Variants in FAM222B observed in about 807,000 individuals in gnomAD.
FAM222B encodes the protein protein FAM222B.
FAM222B carries 12 observed loss-of-function variants against 38.0 expected under a neutral mutation model. That is an observed-to-expected ratio of 0.32 (90% CI 0.20 to 0.51). The LOEUF (loss-of-function observed/expected upper bound fraction) is 0.51, where lower values mean the gene tolerates loss of function less well. FAM222B is among the 20% of genes least tolerant of loss of function. The pLI is 0.97. For synonymous variants in FAM222B, 329 were observed against 317.2 expected (o/e 1.04, Z -0.40); for missense variants, 716 against 754.2 (o/e 0.95, Z 0.59).
intron 1 of FAM222B, among the ~76,000 whole-genome samples, chr17:28,786,156 T>G (rs1305530793): frequency 6.6e-6 from 1 of 151,938 alleles, no homozygotes; most frequent in Non-Finnish European, 1.5e-5. Flanking sequence ...TTTTTTTAAG[T>G]GTGCATGTAA....
chr17:28,768,403 G>T (rs987325612), intron 1 of FAM222B, among the ~76,000 whole-genome samples: 1 of 152,156 alleles, frequency 6.6e-6, no homozygotes, highest in East Asian at 1.9e-4. Flanking sequence ...GATAGCAACT[G>T]CAGAAAGAAC....
At chr17:28,794,797 T>C (rs1308687373) in intron 1 of FAM222B, among the ~76,000 whole-genome samples, 2 of 151,888 alleles carry the variant, frequency 1.3e-5, no homozygotes, top group Non-Finnish European at 2.9e-5. Context: ...AACTTTCTAT[T>C]AAAATAACAT....
intron 1 of FAM222B, among the ~76,000 whole-genome samples, chr17:28,819,979 T>C (rs1484463112): frequency 6.6e-6 from 1 of 152,178 alleles, no homozygotes; most frequent in Non-Finnish European, 1.5e-5. Context: ...TTGTCCTTGA[T>C]ACAAAAAGGT....
intron 1 of FAM222B, among the ~76,000 whole-genome samples, chr17:28,775,918 AAAAC>A (rs1272760554): frequency 2.0e-5 from 3 of 151,480 alleles, no homozygotes; most frequent in Non-Finnish European, 4.4e-5. Context: ...AAAAACAAAA[AAAAC>A]AAAAAGAGCC....
intron 1 of FAM222B, among the ~76,000 whole-genome samples, chr17:28,779,184 T>G (rs1411350323): frequency 6.6e-6 from 1 of 152,116 alleles, no homozygotes; most frequent in East Asian, 1.9e-4. Flanking sequence ...AAACTCATTT[T>G]ACGACGTCGG....
chr17:28,775,481 G>C (rs1473752297), intron 1 of FAM222B, among the ~76,000 whole-genome samples: 1 of 148,342 alleles, frequency 6.7e-6, no homozygotes, highest in African/African-American at 2.5e-5. Context: ...AAAAAACACA[G>C]ACAAAAAACA....
At chr17:28,766,959 A>C (rs923485768) in intron 1 of FAM222B, 1 of 384,154 alleles carries the variant, frequency 2.6e-6, no homozygotes, top group African/African-American at 2.0e-5. Flanking sequence ...GAAAGCACCT[A>C]TTCATACAAC....
intron 1 of FAM222B, among the ~76,000 whole-genome samples, chr17:28,840,074 T>C (rs951072406): frequency 6.6e-6 from 1 of 152,144 alleles, no homozygotes; most frequent in Non-Finnish European, 1.5e-5. Flanking sequence ...TCTGCATCTC[T>C]ACTTTAGAAA....
At chr17:28,822,638 A>G (rs981210301) in intron 1 of FAM222B, among the ~76,000 whole-genome samples, 1 of 147,116 alleles carries the variant, frequency 6.8e-6, no homozygotes, top group Non-Finnish European at 1.5e-5. Context: ...AAAAATAATA[A>G]TAATAATACA....
intron 1 of FAM222B, among the ~76,000 whole-genome samples, chr17:28,774,758 ATGGTGAAACCCCG>A (rs1240524778): frequency 6.6e-6 from 1 of 151,858 alleles, no homozygotes; most frequent in African/African-American, 2.4e-5. Flanking sequence ...CTGGTCAACC[ATGGTGAAACCCCG>A]TCTCTACTAA....
chr17:28,758,243 G>A lies in FAM222B; in HGVS notation c.*27C>T, dbSNP rs1170450614. 2.0e-6 allele frequency: 3 copies of A among 1,519,590 alleles called. No homozygotes were observed. The highest frequency in any genetic ancestry group is 2.7e-6 in the Non-Finnish European group (3 of 1,127,268). The allele number at this position is 1,519,590 out of a possible 1,614,324, so 94.1% of individuals were successfully genotyped here. On this transcript the variant is annotated 3_prime_UTR_variant, in exon 3 of 3. Coordinates refer to ENST00000581407, the MANE Select transcript of FAM222B (RefSeq NM_001077498.3). ...AACCTAGGAGGGTGATGTATGATGT[G>A]TTGCACGTGGAGGGCAGCAGGGCTA...
Position 28,807,309 on chromosome 17 carries a change from C to G in FAM222B, c.-41+35373G>C, listed in dbSNP as rs543253556. Among the ~76,000 whole-genome samples, 476 of 152,140 alleles carry G rather than the reference C, an allele frequency of 3.1e-3. 8 individuals carry two copies. Among genetic ancestry groups the G allele is most frequent in the Non-Finnish European group, 4.1e-3 (279 of 68,002 alleles). Reference sequence around the variant, plus strand: ...GGGATTACAGGCGTGAGCCACCGCGCCTGGCAAATATTTATCTTAATACTG... The same window carrying G: ...GGGATTACAGGCGTGAGCCACCGCGGCTGGCAAATATTTATCTTAATACTG... On this transcript the variant is annotated intron_variant, in intron 1 of 2. Coordinates refer to ENST00000581407, the MANE Select transcript of FAM222B (RefSeq NM_001077498.3).
intron 1 of FAM222B, among the ~76,000 whole-genome samples, chr17:28,811,116 G>C (rs935518882): frequency 6.6e-6 from 1 of 152,062 alleles, no homozygotes; most frequent in Non-Finnish European, 1.5e-5. Context: ...TCAACATTAA[G>C]ATAAACCTGC....
At chr17:28,785,058 A>C (rs1161048315) in intron 1 of FAM222B, among the ~76,000 whole-genome samples, 1 of 152,090 alleles carries the variant, frequency 6.6e-6, no homozygotes, top group Non-Finnish European at 1.5e-5. Context: ...GCCCAGCCTT[A>C]ATTTGAAATT....
chr17:28,854,144 C>T (rs1326800166), intron 1 of FAM222B, among the ~76,000 whole-genome samples: 2 of 151,940 alleles, frequency 1.3e-5, no homozygotes, highest in Admixed American at 6.6e-5. Context: ...CGGGTTTCAC[C>T]GTATTAGCCA....
chr17:28,782,867 G>A (rs906549567), intron 1 of FAM222B, among the ~76,000 whole-genome samples: 1 of 152,100 alleles, frequency 6.6e-6, no homozygotes, highest in Non-Finnish European at 1.5e-5. Context: ...GCCGGGCGCG[G>A]TGGCTCACGG....
In FAM222B at chr17:28,756,841, T is replaced by C. The variant is rs966424809; in HGVS notation, c.*1429A>G. On this transcript the variant is annotated 3_prime_UTR_variant, in exon 3 of 3. Coordinates refer to ENST00000581407, the MANE Select transcript of FAM222B (RefSeq NM_001077498.3). ...TAGAGAATTTCTGGCTAACGAACAG[T>C]AGTGGATAGTGAACAAAATGCAAAA... The C allele has an allele frequency of 1.3e-5, 2 of 152,140 alleles. No homozygotes were observed. The highest frequency in any genetic ancestry group is 4.8e-5 in the African/African-American group (2 of 41,268). The allele number at this position is 152,140 out of a possible 1,614,324, so 9.4% of individuals were successfully genotyped here.
At chr17:28,774,368 G>C (rs1021350330) in intron 1 of FAM222B, among the ~76,000 whole-genome samples, 1 of 152,064 alleles carries the variant, frequency 6.6e-6, no homozygotes, top group South Asian at 2.1e-4. Context: ...GAGAAAGATC[G>C]ATCACTTTGG....
At position 28,759,031 on chromosome 17, in the gene FAM222B, C is replaced by G. The variant is rs773856870; in HGVS notation, c.928G>C (p.Val310Leu). 6.2e-7 allele frequency: 1 copy of G among 1,612,908 alleles called. No individual in the cohort carries two copies. Among genetic ancestry groups the G allele is most frequent in the Non-Finnish European group, 8.5e-7 (1 of 1,179,482 alleles). ...RSLLINASTR[V>L]STHSVPTPMP... ...GGTGTGGGGACGCTGTGGGTCGACA[C>G]CCGGGTGCTTGCATTGATGAGCAGA... The change falls in exon 3 of 3, where the codon GTG becomes CTG. Residue 310 changes from valine to leucine, a missense_variant. Val to Leu is a conservative substitution (Grantham distance 32). Transcript: ENST00000581407. The surrounding 1 kb of genome is among the most constrained non-coding windows in gnomAD (Gnocchi z 4.8).
Sources: allele counts gnomAD v4.1 joint callset (sites outside exome capture counted in the v4.1 genomes callset), GRCh38; gene constraint gnomAD v4.1.1; non-coding constraint Gnocchi (gnomAD v3.1); transcripts MANE v1.5; gene names NCBI Gene and HGNC (gene_info 2026-07-23, HGNC 2026-07-21).